The following SLC25A13 variants were observed in gnomAD, a reference collection of about 807,000 sequenced individuals.
The protein encoded by SLC25A13 is solute carrier family 25 member 13.
Under a neutral mutation model 85.5 loss-of-function variants are expected in SLC25A13, and 70 were observed. The ratio of observed to expected loss-of-function variants is 0.82; its 90% confidence interval spans 0.68 to 1.00. The LOEUF is 1.00. Among genes scored for constraint, SLC25A13 ranks in the 50% least tolerant of loss-of-function variants. SLC25A13 has a pLI of 0.00. For missense variants in SLC25A13, 765 were observed against 819.8 expected, an observed-to-expected ratio of 0.93 and a Z score of 0.82; for synonymous variants, 259 against 288.7, an observed-to-expected ratio of 0.90 and a Z score of 1.04.
intron 13 of SLC25A13, among the ~76,000 whole-genome samples, chr7:96,150,992 G>A (rs775461691): frequency 6.6e-6 from 1 of 152,082 alleles, no homozygotes; most frequent in Non-Finnish European, 1.5e-5. Context: ...CCAAGGTCCA[G>A]ACAAACTGAT....
intron 13 of SLC25A13, among the ~76,000 whole-genome samples, chr7:96,150,135 T>C (rs984456579): frequency 6.6e-5 from 10 of 151,856 alleles, no homozygotes; most frequent in African/African-American, 1.9e-4. Flanking sequence ...CTCTTTGTTA[T>C]TGAAATCTTA....
At chr7:96,156,700 C>T (rs1793280601) in intron 13 of SLC25A13, among the ~76,000 whole-genome samples, 1 of 152,142 alleles carries the variant, frequency 6.6e-6, no homozygotes, top group Non-Finnish European at 1.5e-5. Flanking sequence ...ACCTGCCCGC[C>T]TCAGCCTCCC....
chr7:96,244,223 G>A (rs939129721), intron 3 of SLC25A13, among the ~76,000 whole-genome samples: 2 of 152,156 alleles, frequency 1.3e-5, no homozygotes, highest in Non-Finnish European at 2.9e-5. Context: ...GAGGCCCAGT[G>A]GCCAGGGGCT....
chr7:96,296,366 C>T (rs907622566), intron 2 of SLC25A13, among the ~76,000 whole-genome samples: 1 of 152,158 alleles, frequency 6.6e-6, no homozygotes, highest in African/African-American at 2.4e-5. Flanking sequence ...ACATACCTTA[C>T]ACCACATGAG....
chr7:96,271,090 T>C (rs1798222728), intron 3 of SLC25A13, among the ~76,000 whole-genome samples: 1 of 152,176 alleles, frequency 6.6e-6, no homozygotes, highest in South Asian at 2.1e-4. Context: ...GCAAAGACCC[T>C]TTTTCCAAAT....
At position 96,230,722 on chromosome 7, in the gene SLC25A13, A is replaced by G. The variant is rs534227722; in HGVS notation, c.328+4080T>C. Among the ~76,000 whole-genome samples, 22 of 152,304 alleles carry G rather than the reference A, an allele frequency of 1.4e-4. 1 individual carries two copies. Among genetic ancestry groups the G allele is most frequent in the Admixed American group, 1.3e-3 (20 of 15,304 alleles). On this transcript the variant is annotated intron_variant, in intron 4 of 17. Transcript: ENST00000265631. ...GGGGAAAGGATTCTGTATTCAATAA[A>G]CGATGCTGGGTTAATTGGCTAGCCA...
intron 3 of SLC25A13, among the ~76,000 whole-genome samples, chr7:96,262,816 A>C (rs1797907544): frequency 6.6e-6 from 1 of 152,192 alleles, no homozygotes; most frequent in Non-Finnish European, 1.5e-5. Context: ...TGCTAGTTCC[A>C]CCACTCATTA....
chr7:96,157,819 CAAA>C (rs1269739106), intron 13 of SLC25A13, among the ~76,000 whole-genome samples: 7 of 150,816 alleles, frequency 4.6e-5, no homozygotes, highest in African/African-American at 1.7e-4. Flanking sequence ...AACAAACAAA[CAAA>C]CAAACAAACA....
rs143850675 is a variant in SLC25A13, at chr7:96,295,009, C to A, written c.69+1889G>T. 3.4e-3 allele frequency among the ~76,000 whole-genome samples: 519 copies of A among 152,152 alleles called. 5 individuals are homozygous for A. The highest frequency in any genetic ancestry group is 0.012 in the African/African-American group (486 of 41,514). ...ATAACACATATCAGATGCAGGACAC[C>A]TTTCATATAAGTTACCTCACTGAAT... On this transcript the variant is annotated intron_variant, in intron 2 of 17. Coordinates refer to ENST00000265631, the MANE Select transcript of SLC25A13 (RefSeq NM_014251.3).
intron 3 of SLC25A13, among the ~76,000 whole-genome samples, chr7:96,251,995 T>C (rs1476867593): frequency 2.6e-5 from 4 of 152,202 alleles, no homozygotes; most frequent in African/African-American, 9.7e-5. Flanking sequence ...AATACAGCAG[T>C]TATGAACTAC....
At chr7:96,294,442 A>G (rs1167420254) in intron 2 of SLC25A13, among the ~76,000 whole-genome samples, 2 of 151,984 alleles carry the variant, frequency 1.3e-5, no homozygotes, top group African/African-American at 4.8e-5. Context: ...AAAAATAATA[A>G]TAACAACAAT....
chr7:96,321,496 A>G (rs1800338884), intron 1 of SLC25A13, among the ~76,000 whole-genome samples: 1 of 152,144 alleles, frequency 6.6e-6, no homozygotes, highest in Non-Finnish European at 1.5e-5. Flanking sequence ...TTGAAACGTA[A>G]TAGGATCAGG....
At chr7:96,165,148 A>T (rs1242013995) in intron 13 of SLC25A13, among the ~76,000 whole-genome samples, 1 of 152,200 alleles carries the variant, frequency 6.6e-6, no homozygotes, top group Non-Finnish European at 1.5e-5. Flanking sequence ...CAGAACTTGT[A>T]CTCTACCATG....
intron 11 of SLC25A13, among the ~76,000 whole-genome samples, chr7:96,179,573 A>G (rs957430751): frequency 6.6e-6 from 1 of 152,216 alleles, no homozygotes; most frequent in African/African-American, 2.4e-5. Context: ...GGCTAACCCA[A>G]CAAATGATCT....
At chr7:96,241,050 GAA>G (rs1562870761) in intron 3 of SLC25A13, among the ~76,000 whole-genome samples, 1 of 62,416 alleles carries the variant, frequency 1.6e-5, no homozygotes, top group African/African-American at 5.2e-5. Flanking sequence ...AAGAAAGAAA[GAA>G]AGAAAGAAAG....
chr7:96,142,478 T>C (rs1053203277), intron 14 of SLC25A13, among the ~76,000 whole-genome samples: 3 of 152,220 alleles, frequency 2.0e-5, no homozygotes, highest in African/African-American at 7.2e-5. Context: ...TGTGTGTAGT[T>C]TCCACATTTT....
chr7:96,164,310 G>A (rs1793647749), intron 13 of SLC25A13, among the ~76,000 whole-genome samples: 1 of 152,146 alleles, frequency 6.6e-6, no homozygotes, highest in Admixed American at 6.5e-5. Context: ...GGCTCCAGCT[G>A]AGCTCCAAGC....
chr7:96,202,065 G>A (rs1795277947), intron 5 of SLC25A13, among the ~76,000 whole-genome samples: 1 of 152,176 alleles, frequency 6.6e-6, no homozygotes, highest in African/African-American at 2.4e-5. Flanking sequence ...GAAGTAGGCT[G>A]ACCTCTACAC....
intron 15 of SLC25A13, among the ~76,000 whole-genome samples, chr7:96,127,114 T>C (rs1207639447): frequency 1.3e-5 from 2 of 152,236 alleles, no homozygotes; most frequent in Non-Finnish European, 2.9e-5. Flanking sequence ...CTTGTTCCTC[T>C]ATCTTATCAC....
Sources: allele counts gnomAD v4.1 joint callset (sites outside exome capture counted in the v4.1 genomes callset), GRCh38; gene constraint gnomAD v4.1.1; transcripts MANE v1.5; gene names NCBI Gene and HGNC (gene_info 2026-07-23, HGNC 2026-07-21).